PTPRD: variants seen among roughly 807,000 people sequenced by gnomAD.
PTPRD encodes the protein protein tyrosine phosphatase receptor type D, also known as receptor-type tyrosine-protein phosphatase delta.
A neutral mutation model predicts 214.5 loss-of-function variants in PTPRD; 34 were observed. The ratio of observed to expected loss-of-function variants is 0.16; its 90% CI spans 0.12 to 0.21. The LOEUF is 0.21. PTPRD is among the 10% of genes least tolerant of loss of function. The pLI is 1.00. For synonymous variants in PTPRD, 1,128 were observed against 845.7 expected (o/e 1.33, Z -5.79); for missense variants, 2,545 against 2,398.7 (o/e 1.06, Z -1.27).
chr9:8,483,998 G>T, intron 30 of PTPRD, 121 bp downstream of exon 30: 1 of 1,288,660 alleles, frequency 7.8e-7, no homozygotes, highest in Non-Finnish European at 1.1e-6. Context: ...GGGAGTCTGA[G>T]CAGAAGAATC....
At chr9:9,233,013 C>A (rs971069137) in intron 9 of PTPRD, among the ~76,000 whole-genome samples, 7 of 152,092 alleles carry the variant, frequency 4.6e-5, no homozygotes, top group Admixed American at 3.3e-4. Context: ...CCAATAATAG[C>A]TCTTAAGACC....
intron 9 of PTPRD, among the ~76,000 whole-genome samples, chr9:9,231,159 T>C (rs532836989): frequency 3.3e-5 from 5 of 152,290 alleles, no homozygotes; most frequent in East Asian, 1.9e-4. Flanking sequence ...TCTGCTACTA[T>C]TGGTGAGAAA....
At position 9,794,716 on chromosome 9, in the gene PTPRD, C is replaced by A. The variant is rs542890072; in HGVS notation, c.-367-27865G>T. On this transcript the variant is annotated intron_variant, in intron 5 of 45. Coordinates refer to ENST00000381196, the MANE Select transcript of PTPRD (RefSeq NM_002839.4). ...TTCTCAATTTTACAGATAATAAAAC[C>A]ATGGCTTAGAGAAGATAAATATTCT... Among the ~76,000 whole-genome samples, 4 of 152,208 alleles carry A rather than the reference C, an allele frequency of 2.6e-5. No individual in the cohort carries two copies. In the East Asian group the frequency reaches 5.8e-4, roughly 22 times the overall value.
At chr9:8,831,815 CACAAA>C (rs1221397804) in intron 11 of PTPRD, among the ~76,000 whole-genome samples, 3 of 152,132 alleles carry the variant, frequency 2.0e-5, no homozygotes, top group African/African-American at 7.2e-5. Flanking sequence ...GAGAAAGTTT[CACAAA>C]ACAAAGACGA....
At chr9:9,508,485 GC>G (rs1288307917) in intron 8 of PTPRD, among the ~76,000 whole-genome samples, 1 of 151,646 alleles carries the variant, frequency 6.6e-6, no homozygotes, top group Non-Finnish European at 1.5e-5. Context: ...ACTTAGAATA[GC>G]TTTTTCTCCA....
chr9:9,919,382 G>A (rs1344659474), intron 5 of PTPRD, among the ~76,000 whole-genome samples: 1 of 152,064 alleles, frequency 6.6e-6, no homozygotes, highest in African/African-American at 2.4e-5. Flanking sequence ...TCCCCCCACA[G>A]GAAGGAATGT....
At chr9:10,272,781 A>G (rs1227788604) in intron 3 of PTPRD, among the ~76,000 whole-genome samples, 1 of 152,202 alleles carries the variant, frequency 6.6e-6, no homozygotes, top group East Asian at 1.9e-4. Flanking sequence ...ACATTTTTCT[A>G]TAAACAGAAA....
chr9:9,647,968 A>C (rs909394573), intron 7 of PTPRD, among the ~76,000 whole-genome samples: 3 of 152,158 alleles, frequency 2.0e-5, no homozygotes, highest in African/African-American at 7.2e-5. Flanking sequence ...TTGAAGCACA[A>C]AATCTACTTT....
chr9:9,554,611 T>G (rs1056011976), intron 8 of PTPRD, among the ~76,000 whole-genome samples: 4 of 151,996 alleles, frequency 2.6e-5, no homozygotes, highest in Non-Finnish European at 5.9e-5. Context: ...TGGTCGTTGT[T>G]TGGCACCTGA....
At chr9:9,652,724 C>A (rs556289314) in intron 7 of PTPRD, among the ~76,000 whole-genome samples, 1 of 151,868 alleles carries the variant, frequency 6.6e-6, no homozygotes, top group East Asian at 2.0e-4. Context: ...AAGCAATTCT[C>A]CTACCTCAGC....
At chr9:8,371,724 T>C (rs375650793) in intron 39 of PTPRD, among the ~76,000 whole-genome samples, 26 of 152,176 alleles carry the variant, frequency 1.7e-4, no homozygotes, top group African/African-American at 6.0e-4. Flanking sequence ...TGAAGCCAGT[T>C]TGCAACCTCT....
chr9:8,737,970 A>G (rs909424826), intron 11 of PTPRD, among the ~76,000 whole-genome samples: 1 of 152,090 alleles, frequency 6.6e-6, no homozygotes. Context: ...ATCAGCAGGG[A>G]CATGCAGATA....
chr9:10,238,591 T>G (rs2099636791), intron 3 of PTPRD, among the ~76,000 whole-genome samples: 1 of 152,018 alleles, frequency 6.6e-6, no homozygotes, highest in South Asian at 2.1e-4. Flanking sequence ...CGAAAGCATA[T>G]ACTTTTCCTT....
intron 2 of PTPRD, among the ~76,000 whole-genome samples, chr9:10,546,896 TA>T (rs2060281497): frequency 6.6e-6 from 1 of 152,102 alleles, no homozygotes; most frequent in South Asian, 2.1e-4. Flanking sequence ...TTAAGGATAT[TA>T]GCCATAGTTC....
At chr9:8,593,248 C>A (rs2094246438) in intron 14 of PTPRD, among the ~76,000 whole-genome samples, 1 of 152,092 alleles carries the variant, frequency 6.6e-6, no homozygotes, top group African/African-American at 2.4e-5. Flanking sequence ...TCAAATTTTG[C>A]TAAGGATGGT....
At chr9:8,802,153 A>G (rs2096584670) in intron 11 of PTPRD, among the ~76,000 whole-genome samples, 1 of 152,126 alleles carries the variant, frequency 6.6e-6, no homozygotes, top group Non-Finnish European at 1.5e-5. Flanking sequence ...CCATCCCCCC[A>G]TAGTCACAGA....
At chr9:8,518,764 G>C (rs1389950373) in intron 20 of PTPRD, among the ~76,000 whole-genome samples, 4 of 152,060 alleles carry the variant, frequency 2.6e-5, no homozygotes, top group Non-Finnish European at 5.9e-5. Flanking sequence ...TATTATTTAA[G>C]TCATATTATA....
At chr9:10,127,619 T>C (rs1464227355) in intron 3 of PTPRD, among the ~76,000 whole-genome samples, 1 of 152,164 alleles carries the variant, frequency 6.6e-6, no homozygotes, top group African/African-American at 2.4e-5. Flanking sequence ...ATGATATTAA[T>C]CATATTGTTT....
At chr9:10,365,008 A>G (rs2097487712) in intron 2 of PTPRD, among the ~76,000 whole-genome samples, 1 of 152,200 alleles carries the variant, frequency 6.6e-6, no homozygotes, top group Non-Finnish European at 1.5e-5. Context: ...TTAATTAGGA[A>G]TCTCAGAGAC....
Sources: gnomAD v4.1 joint callset for allele counts (sites outside exome capture counted in the v4.1 genomes callset) on GRCh38, gnomAD v4.1.1 for gene constraint, MANE v1.5 for transcripts, NCBI Gene and HGNC (gene_info 2026-07-23, HGNC 2026-07-21) for gene names.